COL13A1: variants seen among roughly 807,000 people sequenced by gnomAD.
COL13A1 encodes the protein collagen type XIII alpha 1 chain, also known as collagen alpha-1(XIII) chain.
In COL13A1, 89 loss-of-function variants were observed where a neutral mutation model predicts 130.9. That is an observed-to-expected ratio of 0.68 (90% CI 0.57 to 0.81). The LOEUF (loss-of-function observed/expected upper bound fraction) is 0.81. Ranked by LOEUF, COL13A1 falls within the 30% of genes least tolerant of loss-of-function variation. COL13A1 has a pLI of 0.00. For missense variants in COL13A1, 879 were observed against 934.6 expected (o/e 0.94, Z 0.78); for synonymous variants, 402 against 341.6 (o/e 1.18, Z -1.95).
At chr10:69,853,017 C>CGG (rs11427754) in intron 2 of COL13A1, among the ~76,000 whole-genome samples, 14 of 151,366 alleles carry the variant, frequency 9.2e-5, no homozygotes, top group Admixed American at 3.3e-4. Flanking sequence ...GGCGGGGGAG[C>CGG]GGGGGGAGGT....
chr10:69,937,548 AC>A, intron 33 of COL13A1, 86 bp from the exon 34 acceptor site: 2 of 693,158 alleles, frequency 2.9e-6, no homozygotes, highest in Non-Finnish European at 5.2e-6. Context: ...TACAAATGCC[AC>A]CCCAGCCTCC....
chr10:69,828,943 C>T (rs1055862525), intron 2 of COL13A1, among the ~76,000 whole-genome samples: 2 of 152,242 alleles, frequency 1.3e-5, no homozygotes, highest in African/African-American at 2.4e-5. Flanking sequence ...GTCTCTTACA[C>T]AGCAAGAGTA....
In COL13A1 at chr10:69,912,787, C is replaced by T. The variant is rs191365091; in HGVS notation, c.922-4502C>T. Reference sequence around the variant, plus strand: ...GCCCCCTTCCTTCCTCTAGACTGTGCTTTCTTGCCAAGTCCCTGCCCAGCT... The same window carrying T: ...GCCCCCTTCCTTCCTCTAGACTGTGTTTTCTTGCCAAGTCCCTGCCCAGCT... On this transcript the variant is annotated intron_variant, in intron 17 of 40. Coordinates refer to ENST00000645393, the MANE Select transcript of COL13A1 (RefSeq NM_001368882.1). Among the ~76,000 whole-genome samples the T allele has an allele frequency of 3.5e-3, 532 of 152,316 alleles. 3 individuals carry two copies. Among genetic ancestry groups the T allele is most frequent in the African/African-American group, 0.012 (493 of 41,570 alleles).
chr10:69,889,461 C>T (rs767782819), intron 10 of COL13A1, 21 bp downstream of exon 10: 1 of 1,609,764 alleles, frequency 6.2e-7, no homozygotes, highest in Non-Finnish European at 8.5e-7. Flanking sequence ...AGCTTTCCTG[C>T]CTTCCCGAGA....
At chr10:69,908,456 C>T (rs2063021995) in intron 17 of COL13A1, among the ~76,000 whole-genome samples, 1 of 152,338 alleles carries the variant, frequency 6.6e-6, no homozygotes, top group East Asian at 1.9e-4. Context: ...GCAGGGCCAG[C>T]TCTTTCAAGC....
intron 39 of COL13A1, among the ~76,000 whole-genome samples, 164 bp downstream of exon 39, chr10:69,953,132 T>G (rs147797313): frequency 1.9e-3 from 294 of 152,356 alleles, no homozygotes; most frequent in African/African-American, 5.0e-3. Flanking sequence ...CGCTGTTGGA[T>G]TTGCTTTGTA....
At chr10:69,841,900 A>G (rs1851704834) in intron 2 of COL13A1, among the ~76,000 whole-genome samples, 1 of 152,182 alleles carries the variant, frequency 6.6e-6, no homozygotes, top group African/African-American at 2.4e-5. Context: ...AGAGACTGGT[A>G]TGAGATGAGA....
In COL13A1 at chr10:69,918,863, A is replaced by G. The variant is rs936838381; in HGVS notation, c.1000-199A>G. Among the ~76,000 whole-genome samples, 3 of 152,174 alleles carry G rather than the reference A, an allele frequency of 2.0e-5. No individual in the cohort carries two copies. The South Asian group carries it at 6.2e-4, about 32-fold the overall frequency. The stretch of plus-strand genomic sequence containing the variant: ...CCACACCCCTCACCTGGGGAAGAAT[A>G]GGACCCTCTAAGGGTCAGTAGCCTG... On this transcript the variant is annotated intron_variant, in intron 19 of 40. Coordinates refer to ENST00000645393, the MANE Select transcript of COL13A1 (RefSeq NM_001368882.1).
chr10:69,927,562 G>A (rs964837397), intron 27 of COL13A1, among the ~76,000 whole-genome samples: 4 of 152,196 alleles, frequency 2.6e-5, no homozygotes, highest in African/African-American at 9.7e-5. Flanking sequence ...TGGAAAACCA[G>A]GGAATTTCAA....
chr10:69,856,993 T>C (rs952378707), intron 2 of COL13A1, among the ~76,000 whole-genome samples: 1 of 152,150 alleles, frequency 6.6e-6, no homozygotes, highest in African/African-American at 2.4e-5. Context: ...ATAGAGAACT[T>C]TTCCACCTTC....
chr10:69,845,577 A>G (rs1589404869), intron 2 of COL13A1, among the ~76,000 whole-genome samples: 1 of 150,708 alleles, frequency 6.6e-6, no homozygotes, highest in East Asian at 2.0e-4. Flanking sequence ...AGCCTGTGTC[A>G]CTCCTTCCCC....
In COL13A1 at chr10:69,918,502, C is replaced by T. The variant is rs140014390; in HGVS notation, c.999+185C>T. Among the ~76,000 whole-genome samples the T allele has an allele frequency of 5.3e-3, 814 of 152,322 alleles. 4 individuals carry two copies. The highest frequency in any genetic ancestry group is 0.018 in the African/African-American group (762 of 41,562). ...ATAACCTTGAGCCACAGATGTGTAACTAAGCCTTGCAAGTAAGTAGCAATG... is the reference window on the plus strand; with the variant it reads ...ATAACCTTGAGCCACAGATGTGTAATTAAGCCTTGCAAGTAAGTAGCAATG... On this transcript the variant is annotated intron_variant, in intron 19 of 40. Transcript: ENST00000645393.
At position 69,905,728 on chromosome 10, in the gene COL13A1, A is replaced by T. The variant is rs996543042; in HGVS notation, c.886-59A>T. The T allele has an allele frequency of 3.8e-6, 6 of 1,585,970 alleles. No homozygotes were observed. In the African/African-American group the frequency reaches 6.7e-5, roughly 18 times the overall value. ...GGGATGGTATTGTGTGGGGAACAGC[A>T]CAAGTCAAAGTTTGGCAGTGGGAAA... is the stretch of plus-strand genomic sequence containing the variant. On this transcript the variant is annotated intron_variant, in intron 16 of 40. Coordinates refer to ENST00000645393, the MANE Select transcript of COL13A1 (RefSeq NM_001368882.1).
chr10:69,838,204 C>A (rs1850606667), intron 2 of COL13A1, among the ~76,000 whole-genome samples: 1 of 152,252 alleles, frequency 6.6e-6, no homozygotes, highest in South Asian at 2.1e-4. Flanking sequence ...TGTGTCAAAG[C>A]TATACAGGCC....
chr10:69,857,914 G>A (rs1348403667), intron 2 of COL13A1, among the ~76,000 whole-genome samples: 1 of 125,906 alleles, frequency 7.9e-6, no homozygotes, highest in Non-Finnish European at 1.7e-5. Flanking sequence ...TCAGGAGTTC[G>A]AGACCAGCCT....
At chr10:69,892,297 T>TC (rs1324589395) in intron 10 of COL13A1, among the ~76,000 whole-genome samples, 1 of 152,140 alleles carries the variant, frequency 6.6e-6, no homozygotes, top group Non-Finnish European at 1.5e-5. Context: ...TCCACTGGCG[T>TC]CCCACTGGGG....
chr10:69,852,135 C>T (rs879620274), intron 2 of COL13A1, among the ~76,000 whole-genome samples: 1 of 152,200 alleles, frequency 6.6e-6, no homozygotes, highest in African/African-American at 2.4e-5. Context: ...TAGGTTTCGA[C>T]TCCAACACCA....
chr10:69,838,987 T>G (rs1589361926), intron 2 of COL13A1, among the ~76,000 whole-genome samples: 2 of 152,260 alleles, frequency 1.3e-5, no homozygotes, highest in Admixed American at 1.3e-4. Context: ...TTGTTATTTT[T>G]GCATTTACAC....
chr10:69,878,080 T>C lies in COL13A1; in HGVS notation c.462+15T>C. 1 of 702,954 alleles carries C rather than the reference T, an allele frequency of 1.4e-6. No homozygotes were observed. Among genetic ancestry groups the C allele is most frequent in the South Asian group, 1.5e-5 (1 of 67,588 alleles). The allele number at this position is 702,954 out of a possible 1,614,324, so 43.5% of individuals were successfully genotyped here. A position where few individuals can be genotyped will look rare whatever the true frequency, so the allele number is the denominator to read the frequency against. On this transcript the variant is annotated intron_variant, in intron 6 of 40. Coordinates refer to ENST00000645393, the MANE Select transcript of COL13A1 (RefSeq NM_001368882.1). ...CAGGCGAGAAGGTGAGTCCACACTT[T>C]CCCCTTCTGCCCTGCACCCAGCCTC...
Sources: allele counts gnomAD v4.1 joint callset (sites outside exome capture counted in the v4.1 genomes callset), GRCh38; gene constraint gnomAD v4.1.1; transcripts MANE v1.5; gene names NCBI Gene and HGNC (gene_info 2026-07-23, HGNC 2026-07-21).